The following VEZF1 variants were observed in gnomAD, a reference collection of about 807,000 sequenced individuals.
VEZF1 encodes the protein vascular endothelial zinc finger 1, also known as putative transcription factor DB1.
Under a neutral mutation model 44.1 loss-of-function variants are expected in VEZF1, and 5 were observed. That is an observed-to-expected ratio of 0.11 (90% CI 0.06 to 0.24). The LOEUF (loss-of-function observed/expected upper bound fraction) is 0.24. Among genes scored for constraint, VEZF1 ranks in the 10% least tolerant of loss-of-function variants. The pLI is 1.00. For missense variants in VEZF1, 358 were observed against 641.8 expected, an observed-to-expected ratio of 0.56 and a Z score of 4.78; for synonymous variants, 236 against 233.1, an observed-to-expected ratio of 1.01 and a Z score of -0.11.
At chr17:57,982,548 A>G (rs574325046) in intron 2 of VEZF1, 151 bp downstream of exon 2, 170 of 701,280 alleles carry the variant, frequency 2.4e-4, no homozygotes, top group Non-Finnish European at 3.3e-4. Flanking sequence ...TTAGACCTGG[A>G]GGTGTTAATA....
chr17:57,971,561 A>G lies in VEZF1; in HGVS notation c.*2912T>C, dbSNP rs1372212727. ...ACAATCCATCATAACATTTGTGACCAGTTAACTTTAATTTTCAAAATAAAT... is the reference window on the plus strand; with the variant it reads ...ACAATCCATCATAACATTTGTGACCGGTTAACTTTAATTTTCAAAATAAAT... On this transcript the variant is annotated 3_prime_UTR_variant, in exon 6 of 6. Coordinates refer to ENST00000581208, the MANE Select transcript of VEZF1 (RefSeq NM_007146.3). 1 of 152,436 alleles carries G rather than the reference A, an allele frequency of 6.6e-6. No homozygotes were observed. Among genetic ancestry groups the G allele is most frequent in the African/African-American group, 2.4e-5 (1 of 41,462 alleles). The allele number at this position is 152,436 out of a possible 1,614,324, so 9.4% of individuals were successfully genotyped here.
chr17:57,983,178 G>A lies in VEZF1; in HGVS notation c.249C>T (p.Phe83=). Residue 83 remains phenylalanine, a synonymous_variant, in exon 2 of 6, where the codon TTC becomes TTT. Transcript: ENST00000581208. ...GGCGCCTCAGGTGATAGCTGTCCCTGAAAGCTTTACTGCAGTAAGTGCACA... is the reference window on the plus strand; with the variant it reads ...GGCGCCTCAGGTGATAGCTGTCCCTAAAAGCTTTACTGCAGTAAGTGCACA... ...SFVCTYCSKA[F]RDSYHLRRHE... The A allele has an allele frequency of 1.9e-6, 3 of 1,614,094 alleles. No homozygotes were observed. The highest frequency in any genetic ancestry group is 2.5e-6 in the Non-Finnish European group (3 of 1,179,988).
In VEZF1 at chr17:57,980,749, C is replaced by T; in HGVS notation, c.830G>A (p.Arg277Gln). 1 of 1,614,176 alleles carries T rather than the reference C, an allele frequency of 6.2e-7. No homozygotes were observed. ...TAAFATKDRL[R>Q]THMVRHEGKV... is the part of the protein sequence containing the mutation. ...GCCTTCATGGCGCACCATGTGTGTC[C>T]GCAGTCTGTCTTTGGTGGCAAAGGC... The change falls in exon 4 of 6, where the codon CGG becomes CAG. Residue 277 changes from arginine (R) to glutamine (Q), a missense_variant. Arg to Gln is a conservative substitution (Grantham distance 43). Around this residue, in one of 4 missense-constraint regions of VEZF1, gnomAD observed 48 missense variants for 144.9 expected, o/e 0.33. Transcript: ENST00000581208.
chr17:57,982,558 A>G, intron 2 of VEZF1, 141 bp downstream of exon 2: 1 of 783,078 alleles, frequency 1.3e-6, no homozygotes, highest in Non-Finnish European at 2.0e-6. Context: ...AGGTGTTAAT[A>G]CTTATCTATC....
intron 5 of VEZF1, among the ~76,000 whole-genome samples, chr17:57,977,299 G>C (rs2075201725): frequency 1.3e-5 from 2 of 151,830 alleles, no homozygotes; most frequent in Non-Finnish European, 2.9e-5. Flanking sequence ...TGTTGTTGTT[G>C]TTGTTTTTGT....
At position 57,971,775 on chromosome 17, in the gene VEZF1, A is replaced by G. The variant is rs947692398; in HGVS notation, c.*2698T>C. Reference sequence around the variant, plus strand: ...GGATGTCAGATTTAAGGATTATCTAATACAACTGTTTAGCTGCCAATCTGA... The same window carrying G: ...GGATGTCAGATTTAAGGATTATCTAGTACAACTGTTTAGCTGCCAATCTGA... On this transcript the variant is annotated 3_prime_UTR_variant, in exon 6 of 6. Transcript: ENST00000581208. 6.6e-6 allele frequency: 1 copy of G among 152,632 alleles called. No homozygotes were observed. Among genetic ancestry groups the G allele is most frequent in the African/African-American group, 2.4e-5 (1 of 41,442 alleles). The allele number at this position is 152,632 out of a possible 1,614,324, so 9.5% of individuals were successfully genotyped here.
chr17:57,987,087 G>A (rs1319495940), intron 1 of VEZF1, among the ~76,000 whole-genome samples: 1 of 152,222 alleles, frequency 6.6e-6, no homozygotes, highest in Non-Finnish European at 1.5e-5. Flanking sequence ...AAAACACATC[G>A]GCTACAGTCA....
rs564365382 is a variant in VEZF1 at position 57,971,873 on chromosome 17, T to C, written c.*2600A>G. 1.9e-4 allele frequency: 29 copies of C among 152,770 alleles called. No homozygotes were observed. The highest frequency in any genetic ancestry group is 6.7e-4 in the African/African-American group (28 of 41,572). 9.5% of individuals were successfully genotyped at this position (152,770 alleles called of 1,614,324 possible). ...CTCTGCCTTTTCGTAGAGCAGTGGCTGTCGTGCCTTCAACACCTGGTTGAA... is the reference window on the plus strand; with the variant it reads ...CTCTGCCTTTTCGTAGAGCAGTGGCCGTCGTGCCTTCAACACCTGGTTGAA... On this transcript the variant is annotated 3_prime_UTR_variant, in exon 6 of 6. Coordinates refer to ENST00000581208, the MANE Select transcript of VEZF1 (RefSeq NM_007146.3).
intron 1 of VEZF1, among the ~76,000 whole-genome samples, chr17:57,983,921 T>C (rs2075273288): frequency 6.6e-6 from 1 of 152,198 alleles, no homozygotes; most frequent in Non-Finnish European, 1.5e-5. Context: ...GAAAGAAATC[T>C]AGTTCTCTAA....
At chr17:57,985,455 C>G in intron 1 of VEZF1, 4 of 1,220,546 alleles carry the variant, frequency 3.3e-6, no homozygotes, top group Non-Finnish European at 4.1e-6. Flanking sequence ...TGGGTTTTCC[C>G]AACTTCTTCT....
In VEZF1 at chr17:57,971,887, C is replaced by T. The variant is rs1334208302; in HGVS notation, c.*2586G>A. 1 of 152,624 alleles carries T rather than the reference C, an allele frequency of 6.6e-6. No individual in the cohort carries two copies. The allele number at this position is 152,624 out of a possible 1,614,324, so 9.5% of individuals were successfully genotyped here. A position where few individuals can be genotyped will look rare whatever the true frequency, so the allele number is the denominator to read the frequency against. Reference sequence around the variant, plus strand: ...AGAGCAGTGGCTGTCGTGCCTTCAACACCTGGTTGAATCAGTTCATCAACA... The same window carrying T: ...AGAGCAGTGGCTGTCGTGCCTTCAATACCTGGTTGAATCAGTTCATCAACA... On this transcript the variant is annotated 3_prime_UTR_variant, in exon 6 of 6. Coordinates refer to ENST00000581208, the MANE Select transcript of VEZF1 (RefSeq NM_007146.3).
At chr17:57,978,621 T>C (rs1218853666) in intron 5 of VEZF1, among the ~76,000 whole-genome samples, 9 of 151,974 alleles carry the variant, frequency 5.9e-5, no homozygotes, top group Admixed American at 5.9e-4. Context: ...GGCCAGCCAG[T>C]GATAGACTGA....
At chr17:57,984,804 A>T (rs1040801126) in intron 1 of VEZF1, among the ~76,000 whole-genome samples, 3 of 152,200 alleles carry the variant, frequency 2.0e-5, no homozygotes, top group African/African-American at 7.2e-5. Context: ...AACGATTAGG[A>T]GGTGTGGTAT....
In VEZF1 at chr17:57,988,090, A is replaced by C; in HGVS notation, c.22T>G (p.Phe8Val). The change falls in exon 1 of 6, where the codon TTC becomes GTC. Residue 8 changes from phenylalanine to valine, a missense_variant. Phe to Val is a conservative substitution (Grantham distance 50). This residue lies in a region of VEZF1 where 22 missense variants were observed against 17.3 expected (regional missense o/e 1.27). Coordinates refer to ENST00000581208, the MANE Select transcript of VEZF1 (RefSeq NM_007146.3). Reference sequence around the variant, plus strand: ...GGGGCCCCCAGTACCTGGAACAGGAACGCGGTCCAGTTGGCCTCCATGGCT... The same window carrying C: ...GGGGCCCCCAGTACCTGGAACAGGACCGCGGTCCAGTTGGCCTCCATGGCT... MEANWTA[F>V]LFQAHEASHH... 1.4e-6 allele frequency: 1 copy of C among 711,420 alleles called. No individual in the cohort carries two copies. Among genetic ancestry groups the C allele is most frequent in the Non-Finnish European group, 1.8e-6 (1 of 542,088 alleles). The allele number at this position is 711,420 out of a possible 1,614,324, so 44.1% of individuals were successfully genotyped here.
chr17:57,975,664 C>T (rs1023615048), intron 5 of VEZF1, among the ~76,000 whole-genome samples: 5 of 152,210 alleles, frequency 3.3e-5, no homozygotes, highest in Admixed American at 6.5e-5. Flanking sequence ...GATGTTGACA[C>T]AATCACCTAT....
chr17:57,973,070 T>C lies in VEZF1; in HGVS notation c.*1403A>G, dbSNP rs1230851706. ...TATTGCAACTTAAAAAATCACAGCA[T>C]CTTGGTTTAGTTAATTTTTTTTTTA... On this transcript the variant is annotated 3_prime_UTR_variant, in exon 6 of 6. Coordinates refer to ENST00000581208, the MANE Select transcript of VEZF1 (RefSeq NM_007146.3). 6.6e-6 allele frequency: 1 copy of C among 151,444 alleles called. No individual in the cohort carries two copies. Among genetic ancestry groups the C allele is most frequent in the African/African-American group, 2.4e-5 (1 of 40,898 alleles). 9.4% of individuals were successfully genotyped at this position (151,444 alleles called of 1,614,324 possible).
chr17:57,981,580 T>C (rs1048320396), intron 3 of VEZF1, among the ~76,000 whole-genome samples: 2 of 152,226 alleles, frequency 1.3e-5, no homozygotes, highest in African/African-American at 4.8e-5. Flanking sequence ...TCATTTCAAA[T>C]ACACAACCAC....
chr17:57,987,253 C>G (rs1339437960), intron 1 of VEZF1, among the ~76,000 whole-genome samples: 1 of 152,136 alleles, frequency 6.6e-6, no homozygotes, highest in Non-Finnish European at 1.5e-5. Flanking sequence ...GGTCGGGCCT[C>G]CAGGAGTCCC....
At chr17:57,976,575 T>C (rs2075193419) in intron 5 of VEZF1, among the ~76,000 whole-genome samples, 2 of 152,164 alleles carry the variant, frequency 1.3e-5, no homozygotes, top group South Asian at 4.1e-4. Context: ...AGGCCTAATA[T>C]TTAAAGGACG....
Sources: allele counts gnomAD v4.1 joint callset (sites outside exome capture counted in the v4.1 genomes callset), GRCh38; gene constraint gnomAD v4.1.1; regional missense constraint gnomAD v4.1.1; transcripts MANE v1.5; gene names NCBI Gene and HGNC (gene_info 2026-07-23, HGNC 2026-07-21).